Variants in TBC1D20 observed in about 807,000 individuals in gnomAD.
TBC1D20 encodes TBC1 domain family member 20.
Under a neutral mutation model 41.6 loss-of-function variants are expected in TBC1D20, and 12 were observed. The observed-to-expected ratio is 0.29, with a 90% CI of 0.18 to 0.47. The LOEUF (loss-of-function observed/expected upper bound fraction) is 0.47. TBC1D20 is among the 20% of genes least tolerant of loss of function. TBC1D20 has a pLI of 1.00. For synonymous variants in TBC1D20, 205 were observed against 204.8 expected (o/e 1.00, Z -0.01); for missense variants, 421 against 517.4 (o/e 0.81, Z 1.81).
intron 1 of TBC1D20, among the ~76,000 whole-genome samples, chr20:461,513 C>G (rs1434511430): frequency 6.6e-6 from 1 of 152,146 alleles, no homozygotes; most frequent in African/African-American, 2.4e-5. Flanking sequence ...GCTCGAGCCT[C>G]CACACCCGAC....
At chr20:446,991 C>T (rs1401865523) in intron 2 of TBC1D20, among the ~76,000 whole-genome samples, 5 of 146,998 alleles carry the variant, frequency 3.4e-5, no homozygotes, top group Non-Finnish European at 7.4e-5. Context: ...ACTCTGTCAC[C>T]CAGGCTGGAG....
chr20:453,199 GCAGTGGCT>G (rs1319729250), intron 1 of TBC1D20, among the ~76,000 whole-genome samples: 1 of 129,718 alleles, frequency 7.7e-6, no homozygotes, highest in Non-Finnish European at 1.6e-5. Flanking sequence ...CAGGCTGGGC[GCAGTGGCT>G]CACGCCTGTA....
In TBC1D20 at chr20:441,678, T is replaced by C; in HGVS notation, c.536A>G (p.Asp179Gly). The change falls in exon 5 of 8, where the codon GAT (aspartate) becomes GGT (glycine). Residue 179 changes from aspartate to glycine, a missense_variant. By Grantham distance (94) the Asp-to-Gly change is moderately conservative. This residue lies in a region of TBC1D20 where 110 missense variants were observed against 183.5 expected (regional missense o/e 0.60). Transcript: ENST00000354200. ...ATGCTTGGTGTTGTCCATTGTTGGATCCATAAAATCCCTGGAGGGAGACAA... is the reference window on the plus strand; with the variant it reads ...ATGCTTGGTGTTGTCCATTGTTGGACCCATAAAATCCCTGGAGGGAGACAA... The part of the protein sequence containing the change: ...LSTHHLRDFM[D>G]PTMDNTKHIL... The C allele has an allele frequency of 6.2e-7, 1 of 1,614,044 alleles. No homozygotes were observed. Among genetic ancestry groups the C allele is most frequent in the African/African-American group, 1.3e-5 (1 of 74,998 alleles).
chr20:442,739 TAAATAG>T (rs2017261518), intron 3 of TBC1D20, among the ~76,000 whole-genome samples: 2 of 152,126 alleles, frequency 1.3e-5, no homozygotes, highest in Admixed American at 6.5e-5. Flanking sequence ...AACTTACTCT[TAAATAG>T]TTCAGAGAAA....
At chr20:448,116 C>G (rs754621216) in intron 1 of TBC1D20, 42 bp from the exon 2 acceptor site, 1 of 1,486,688 alleles carries the variant, frequency 6.7e-7, no homozygotes, top group Non-Finnish European at 9.4e-7. Context: ...ACATTCAGCA[C>G]GTGCATATTT....
At chr20:447,143 G>A (rs1259146071) in intron 2 of TBC1D20, among the ~76,000 whole-genome samples, 4 of 133,910 alleles carry the variant, frequency 3.0e-5, no homozygotes, top group Non-Finnish European at 4.7e-5. Flanking sequence ...TTTTTTTTTA[G>A]TAGAGATGGG....
intron 1 of TBC1D20, among the ~76,000 whole-genome samples, chr20:459,265 G>T (rs1360655126): frequency 6.6e-6 from 1 of 152,198 alleles, no homozygotes; most frequent in African/African-American, 2.4e-5. Flanking sequence ...ATTGTATTTC[G>T]AGATAAACTT....
intron 3 of TBC1D20, among the ~76,000 whole-genome samples, chr20:444,470 C>G (rs1442571795): frequency 6.6e-6 from 1 of 152,176 alleles, no homozygotes; most frequent in African/African-American, 2.4e-5. Context: ...TGCCCAGTTC[C>G]CTTCACTGTG....
intron 1 of TBC1D20, among the ~76,000 whole-genome samples, chr20:449,481 G>A (rs571716143): frequency 1.6e-5 from 2 of 123,204 alleles, no homozygotes; most frequent in Admixed American, 1.7e-4. Context: ...TGTAATCCCA[G>A]CTACTCGGGA....
Position 439,981 on chromosome 20 carries a change from T to C in TBC1D20, c.768+267A>G, listed in dbSNP as rs915780899. Among the ~76,000 whole-genome samples the C allele has an allele frequency of 6.6e-6, 1 of 152,192 alleles. No individual in the cohort carries two copies. The highest frequency in any genetic ancestry group is 1.5e-5 in the Non-Finnish European group (1 of 68,030). On this transcript the variant is annotated intron_variant, in intron 6 of 7. Transcript: ENST00000354200. The surrounding 1 kb of genome is among the most constrained non-coding windows in gnomAD (Gnocchi z 4.6). ...ACAATGTCAACAGGAACCCTGACAA[T>C]TCACAATGCAGATTAGCATTTTAAA...
In TBC1D20 at chr20:439,387, C is replaced by G; in HGVS notation, c.769-92G>C. On this transcript the variant is annotated intron_variant, in intron 6 of 7. Transcript: ENST00000354200. The surrounding 1 kb of genome is among the most constrained non-coding windows in gnomAD (Gnocchi z 4.6). ...CATTATCCTTGCAGATGAATTTAAA[C>G]TGGTAACAGACAGGACTCAGCCCAA... The G allele has an allele frequency of 9.8e-7, 1 of 1,015,762 alleles. No individual in the cohort carries two copies. Among genetic ancestry groups the G allele is most frequent in the Non-Finnish European group, 1.5e-6 (1 of 686,840 alleles). 62.9% of individuals were successfully genotyped at this position (1,015,762 alleles called of 1,614,324 possible). A position where few individuals can be genotyped will look rare whatever the true frequency, so the allele number is the denominator to read the frequency against.
At chr20:458,444 G>A (rs2017578337) in intron 1 of TBC1D20, among the ~76,000 whole-genome samples, 2 of 151,782 alleles carry the variant, frequency 1.3e-5, no homozygotes, top group African/African-American at 4.8e-5. Flanking sequence ...CTCCCAGGTA[G>A]CTGGGACCAC....
At chr20:452,554 C>T (rs1189253214) in intron 1 of TBC1D20, among the ~76,000 whole-genome samples, 1 of 152,128 alleles carries the variant, frequency 6.6e-6, no homozygotes, top group Non-Finnish European at 1.5e-5. Context: ...GAGTATAAGG[C>T]TGTGGTGAGC....
chr20:454,460 T>C (rs1417939732), intron 1 of TBC1D20, among the ~76,000 whole-genome samples: 1 of 151,928 alleles, frequency 6.6e-6, no homozygotes, highest in Non-Finnish European at 1.5e-5. Context: ...AATATTTATG[T>C]AGTATATATT....
intron 1 of TBC1D20, among the ~76,000 whole-genome samples, chr20:455,873 A>G (rs926995386): frequency 1.1e-4 from 16 of 152,166 alleles, no homozygotes; most frequent in Admixed American, 3.9e-4. Context: ...CGGAGGTTAC[A>G]GTGAGCTGAG....
At chr20:451,767 T>C (rs2017445781) in intron 1 of TBC1D20, among the ~76,000 whole-genome samples, 1 of 152,120 alleles carries the variant, frequency 6.6e-6, no homozygotes, top group Admixed American at 6.6e-5. Context: ...TCACTCAAGA[T>C]GGAGTGTAGT....
In TBC1D20 at chr20:438,805, T is replaced by C. The variant is rs775160137; in HGVS notation, c.993A>G (p.Ala331=). The change falls in exon 8 of 8, where the codon GCA becomes GCG. Residue 331 remains alanine (A), a synonymous_variant. Coordinates refer to ENST00000354200, the MANE Select transcript of TBC1D20 (RefSeq NM_144628.4). ...AASTFKDFEL[A]SAQQRPDMVL... ...CCATATCAGGCCTCTGCTGGGCTGATGCCAGCTCAAAGTCTTTGAAAGTAG... is the reference window on the plus strand; with the variant it reads ...CCATATCAGGCCTCTGCTGGGCTGACGCCAGCTCAAAGTCTTTGAAAGTAG... The C allele has an allele frequency of 1.7e-4, 268 of 1,614,064 alleles. No individual in the cohort carries two copies. The highest frequency in any genetic ancestry group is 2.2e-4 in the Non-Finnish European group (264 of 1,180,030).
intron 1 of TBC1D20, among the ~76,000 whole-genome samples, chr20:461,746 C>T (rs2017634042): frequency 6.6e-6 from 1 of 152,204 alleles, no homozygotes; most frequent in South Asian, 2.1e-4. Flanking sequence ...TCGTGAATAC[C>T]GGGGAACGCG....
chr20:443,980 A>C (rs1320725250), intron 3 of TBC1D20, among the ~76,000 whole-genome samples: 1 of 151,816 alleles, frequency 6.6e-6, no homozygotes, highest in Admixed American at 6.6e-5. Flanking sequence ...ACACACACAA[A>C]ATTAGCTGGG....
Sources: allele counts gnomAD v4.1 joint callset (sites outside exome capture counted in the v4.1 genomes callset), GRCh38; gene constraint gnomAD v4.1.1; regional missense constraint gnomAD v4.1.1; non-coding constraint Gnocchi (gnomAD v3.1); transcripts MANE v1.5; gene names NCBI Gene and HGNC (gene_info 2026-07-23, HGNC 2026-07-21).